The following CRLF3 variants were observed in gnomAD, a reference collection of about 807,000 sequenced individuals.
CRLF3 encodes cytokine receptor like factor 3, also known as cytokine receptor-like factor 3.
In CRLF3, 33 loss-of-function variants were observed where a neutral mutation model predicts 55.0. The ratio of observed to expected loss-of-function variants is 0.60; its 90% CI spans 0.46 to 0.80. CRLF3 has a LOEUF of 0.80. CRLF3 is among the 30% of genes least tolerant of loss of function. The pLI, the probability that CRLF3 is intolerant of heterozygous loss-of-function variation, is 0.00. For missense variants in CRLF3, 494 were observed against 538.4 expected (o/e 0.92, Z 0.82); for synonymous variants, 238 against 196.8 (o/e 1.21, Z -1.75).
At chr17:30,822,768 ATTC>A (rs1472935068) in intron 1 of CRLF3, among the ~76,000 whole-genome samples, 7 of 152,294 alleles carry the variant, frequency 4.6e-5, no homozygotes, top group South Asian at 4.1e-4. Context: ...GTCAACTCTG[ATTC>A]TTAATTGCTA....
intron 1 of CRLF3, among the ~76,000 whole-genome samples, chr17:30,820,362 T>G (rs1293076825): frequency 6.6e-6 from 1 of 152,216 alleles, no homozygotes; most frequent in Non-Finnish European, 1.5e-5. Flanking sequence ...ACAAATTTCA[T>G]GCTAGAGTTT....
At chr17:30,823,686 T>C (rs1181643953) in intron 1 of CRLF3, among the ~76,000 whole-genome samples, 1 of 152,066 alleles carries the variant, frequency 6.6e-6, no homozygotes, top group East Asian at 1.9e-4. Flanking sequence ...TTTTTCTATA[T>C]ATATTCGAGG....
rs1366885786 is a variant in CRLF3 at position 30,793,521 on chromosome 17, C to T, written c.755G>A (p.Arg252Gln). Residue 252 changes from arginine to glutamine, a missense_variant, in exon 5 of 8, where the codon CGA (arginine) becomes CAA (glutamine). Arg to Gln is a conservative substitution (Grantham distance 43). Coordinates refer to ENST00000324238, the MANE Select transcript of CRLF3 (RefSeq NM_015986.4). ...ACTCCACTCCTGTCGGCCATCTCCTCGGGCGCAGACTCTGAACTGGTAATC... is the reference window on the plus strand; with the variant it reads ...ACTCCACTCCTGTCGGCCATCTCCTTGGGCGCAGACTCTGAACTGGTAATC... ...NVDYQFRVCA[R>Q]GDGRQEWSPW... The T allele has an allele frequency of 1.9e-6, 3 of 1,614,160 alleles. No homozygotes were observed. The highest frequency in any genetic ancestry group is 1.7e-5 in the Admixed American group (1 of 60,002).
At chr17:30,822,933 G>A (rs2142279187) in intron 1 of CRLF3, among the ~76,000 whole-genome samples, 1 of 152,230 alleles carries the variant, frequency 6.6e-6, no homozygotes, top group South Asian at 2.1e-4. Context: ...TTTTCAAAGA[G>A]AAATAGAGAT....
chr17:30,805,713 C>CA (rs58852260), intron 1 of CRLF3, among the ~76,000 whole-genome samples: 16,940 of 70,510 alleles, frequency 0.24, 1,348 homozygotes, highest in East Asian at 0.38. Flanking sequence ...GACTCCGTCT[C>CA]AAAAAAAAAA....
chr17:30,813,020 C>G (rs1904669571), intron 1 of CRLF3, among the ~76,000 whole-genome samples: 1 of 152,114 alleles, frequency 6.6e-6, no homozygotes, highest in Non-Finnish European at 1.5e-5. Context: ...AAGAGTGTTG[C>G]CAAGCAAAAC....
In CRLF3 at chr17:30,824,532, C is replaced by G; in HGVS notation, c.120G>C (p.Ala40=). The part of the protein sequence containing the change: ...LGHRLEGLRE[A]RRQIKESASQ... Reference sequence around the variant, plus strand: ...GGTGTGGCCCTCCGACCTGCCTCCGCGCCTCACGCAGCCCCTCAAGCCGGT... The same window carrying G: ...GGTGTGGCCCTCCGACCTGCCTCCGGGCCTCACGCAGCCCCTCAAGCCGGT... Residue 40 remains alanine, a synonymous_variant, in exon 1 of 8, where the codon GCG becomes GCC. Transcript: ENST00000324238. 6.3e-7 allele frequency: 1 copy of G among 1,591,246 alleles called. No individual in the cohort carries two copies. Among genetic ancestry groups the G allele is most frequent in the Non-Finnish European group, 8.5e-7 (1 of 1,174,406 alleles).
chr17:30,786,697 A>AGTCT (rs1567656985), intron 6 of CRLF3: 1 of 151,276 alleles, frequency 6.6e-6, no homozygotes, highest in African/African-American at 2.4e-5. Context: ...AGAATCAATC[A>AGTCT]ATCTATCTAT....
chr17:30,804,785 G>A (rs1904337135), intron 1 of CRLF3, among the ~76,000 whole-genome samples: 2 of 152,190 alleles, frequency 1.3e-5, no homozygotes, highest in African/African-American at 4.8e-5. Flanking sequence ...AAGTCAGATA[G>A]AATAAGCCAA....
rs750353403 is a variant in CRLF3, at chr17:30,796,266, A to C, written c.497T>G (p.Ile166Arg). ...ATGCTTAAAAATGTGGTCTTTCACT[A>C]TGTTAAGAATTGAGTCATCCAACTG... ...SAQLDDSILN[I>R]VKDHIFKHGT... Residue 166 changes from isoleucine (I) to arginine (R), a missense_variant, in exon 4 of 8, where the codon ATA becomes AGA. Physicochemically the swap from Ile to Arg is moderately conservative, Grantham distance 97. Coordinates refer to ENST00000324238, the MANE Select transcript of CRLF3 (RefSeq NM_015986.4). 6.2e-7 allele frequency: 1 copy of C among 1,614,066 alleles called. No homozygotes were observed. Among genetic ancestry groups the C allele is most frequent in the East Asian group, 2.2e-5 (1 of 44,872 alleles).
chr17:30,795,216 C>G (rs1971893691), intron 4 of CRLF3, among the ~76,000 whole-genome samples: 2 of 152,188 alleles, frequency 1.3e-5, no homozygotes, highest in Non-Finnish European at 2.9e-5. Context: ...CACAGTGGCT[C>G]ACACCTGTAA....
At chr17:30,791,443 G>A (rs1597916593) in intron 6 of CRLF3, among the ~76,000 whole-genome samples, 1 of 152,184 alleles carries the variant, frequency 6.6e-6, no homozygotes, top group East Asian at 1.9e-4. Context: ...CTGACCACAA[G>A]TGATCCAACC....
intron 1 of CRLF3, among the ~76,000 whole-genome samples, chr17:30,818,261 A>G (rs1379210939): frequency 6.6e-6 from 1 of 151,986 alleles, no homozygotes; most frequent in African/African-American, 2.4e-5. Context: ...ACTTCATTAA[A>G]AAAAAAAAAT....
chr17:30,792,083 G>T (rs567156153), intron 6 of CRLF3, among the ~76,000 whole-genome samples: 1 of 152,040 alleles, frequency 6.6e-6, no homozygotes, highest in South Asian at 2.1e-4. Context: ...CCCGACCTCA[G>T]GTGATCCACC....
At chr17:30,805,955 C>T (rs1420905927) in intron 1 of CRLF3, among the ~76,000 whole-genome samples, 1 of 151,964 alleles carries the variant, frequency 6.6e-6, no homozygotes, top group Admixed American at 6.6e-5. Context: ...CCCAGGGGGT[C>T]GAGACTGCAG....
In CRLF3 at chr17:30,782,781, C is replaced by CTT. The variant is rs1294845824; in HGVS notation, c.*1404_*1405dup. 2.0e-5 allele frequency: 3 copies of CTT among 152,146 alleles called. No homozygotes were observed. The highest frequency in any genetic ancestry group is 7.2e-5 in the African/African-American group (3 of 41,488). The allele number at this position is 152,146 out of a possible 1,614,324, so 9.4% of individuals were successfully genotyped here. On this transcript the variant is annotated 3_prime_UTR_variant, in exon 8 of 8. Transcript: ENST00000324238. ...TCCCTAAACAAGTGGAAATCTACTA[C>CTT]TTATATATAAAAAGACAAGTAGAAA...
intron 5 of CRLF3, chr17:30,792,785 AT>A (rs1428684609): frequency 4.1e-5 from 14 of 337,696 alleles, no homozygotes; most frequent in African/African-American, 3.7e-4. Flanking sequence ...GACATAATAA[AT>A]CACACAAGTG....
intron 7 of CRLF3, among the ~76,000 whole-genome samples, chr17:30,785,592 G>A (rs927825809): frequency 5.3e-5 from 8 of 151,566 alleles, no homozygotes; most frequent in African/African-American, 1.9e-4. Context: ...GACTCACCTG[G>A]GCAACAACTT....
chr17:30,801,819 G>A lies in CRLF3; in HGVS notation c.337+2082C>T, dbSNP rs184620004. On this transcript the variant is annotated intron_variant, in intron 2 of 7. Transcript: ENST00000324238. Reference sequence around the variant, plus strand: ...AGGCAGGGTCATTTTTTTTTTAAATGCACATCTGATCCTGTCACTCTGCTG... The same window carrying A: ...AGGCAGGGTCATTTTTTTTTTAAATACACATCTGATCCTGTCACTCTGCTG... Among the ~76,000 whole-genome samples, 894 of 151,508 alleles carry A rather than the reference G, an allele frequency of 5.9e-3. 8 individuals are homozygous for A. Among genetic ancestry groups the A allele is most frequent in the African/African-American group, 0.021 (862 of 41,320 alleles).
Sources: allele counts gnomAD v4.1 joint callset (sites outside exome capture counted in the v4.1 genomes callset), GRCh38; gene constraint gnomAD v4.1.1; transcripts MANE v1.5; gene names NCBI Gene and HGNC (gene_info 2026-07-23, HGNC 2026-07-21).